UBE2E2: variants seen among roughly 807,000 people sequenced by gnomAD.
UBE2E2 encodes the protein ubiquitin conjugating enzyme E2 E2.
Under a neutral mutation model 24.7 loss-of-function variants are expected in UBE2E2, and 6 were observed. The ratio of observed to expected loss-of-function variants is 0.24; its 90% CI spans 0.13 to 0.48. The LOEUF (loss-of-function observed/expected upper bound fraction) is 0.48, where lower values mean the gene tolerates loss of function less well. UBE2E2 is among the 20% of genes least tolerant of loss of function. The pLI is 0.99. For synonymous variants in UBE2E2, 104 were observed against 83.6 expected (o/e 1.24, Z -1.33); for missense variants, 169 against 245.0 (o/e 0.69, Z 2.07).
In UBE2E2 at chr3:23,449,981, C is replaced by G. The variant is rs539772516; in HGVS notation, c.228-49627C>G. On this transcript the variant is annotated intron_variant, in intron 3 of 5. Transcript: ENST00000396703. ...TCCTGGCCACTGGGCCCACTGCTACCCTGCCACGTGAGTACAGCAATGGCT... is the reference window on the plus strand; with the variant it reads ...TCCTGGCCACTGGGCCCACTGCTACGCTGCCACGTGAGTACAGCAATGGCT... 348 of 952,344 alleles carry G rather than the reference C, an allele frequency of 3.7e-4. 1 individual carries two copies. The Middle Eastern group carries it at 3.8e-3, about 10-fold the overall frequency. 59.0% of individuals were successfully genotyped at this position (952,344 alleles called of 1,614,324 possible). A position where few individuals can be genotyped will look rare whatever the true frequency, so the allele number is the denominator to read the frequency against.
chr3:23,511,699 A>G (rs1054338830), intron 4 of UBE2E2, among the ~76,000 whole-genome samples: 60 of 152,098 alleles, frequency 3.9e-4, no homozygotes, highest in African/African-American at 1.4e-3. Flanking sequence ...CAAAGCTGAT[A>G]TTTTCTCTTT....
At chr3:23,312,616 T>A (rs1206433432) in intron 3 of UBE2E2, among the ~76,000 whole-genome samples, 2 of 152,198 alleles carry the variant, frequency 1.3e-5, no homozygotes, top group South Asian at 2.1e-4. Flanking sequence ...TTCTTTTGTT[T>A]TGATTTCATT....
intron 3 of UBE2E2, among the ~76,000 whole-genome samples, chr3:23,356,158 G>A (rs567146622): frequency 1.3e-5 from 2 of 152,312 alleles, no homozygotes; most frequent in Admixed American, 1.3e-4. Flanking sequence ...AAGCAGTCTG[G>A]ACCTTACTCA....
chr3:23,223,402 G>A (rs555535008), intron 3 of UBE2E2, among the ~76,000 whole-genome samples: 14 of 151,804 alleles, frequency 9.2e-5, no homozygotes, highest in Middle Eastern at 3.4e-3. Context: ...CGTGTTGGCC[G>A]GGCTGGTCTC....
At chr3:23,383,991 G>GT (rs1696744533) in intron 3 of UBE2E2, among the ~76,000 whole-genome samples, 1 of 151,894 alleles carries the variant, frequency 6.6e-6, no homozygotes, top group South Asian at 2.1e-4. Flanking sequence ...CAAAGTGATG[G>GT]TTTGTGTTTT....
At position 23,463,986 on chromosome 3, in the gene UBE2E2, C is replaced by T. The variant is rs370693523; in HGVS notation, c.228-35622C>T. Among the ~76,000 whole-genome samples the T allele has an allele frequency of 3.3e-5, 5 of 152,166 alleles. No homozygotes were observed. The East Asian group carries it at 9.6e-4, about 29-fold the overall frequency. ...ACATATGAACTGTGACATTGGGCTCCATTTCAAAATAGCATGTTTGCATAT... is the reference window on the plus strand; with the variant it reads ...ACATATGAACTGTGACATTGGGCTCTATTTCAAAATAGCATGTTTGCATAT... On this transcript the variant is annotated intron_variant, in intron 3 of 5. Transcript: ENST00000396703.
intron 3 of UBE2E2, among the ~76,000 whole-genome samples, chr3:23,451,656 A>G (rs1024692300): frequency 1.3e-5 from 2 of 152,234 alleles, no homozygotes; most frequent in Non-Finnish European, 2.9e-5. Flanking sequence ...CTGGTAATAA[A>G]GTACTTTTAC....
intron 3 of UBE2E2, among the ~76,000 whole-genome samples, chr3:23,277,008 A>G (rs565112071): frequency 6.6e-6 from 1 of 152,160 alleles, no homozygotes; most frequent in Non-Finnish European, 1.5e-5. Context: ...TTTTCTAGGA[A>G]AACAAAGGCT....
At chr3:23,257,514 C>A (rs547763608) in intron 3 of UBE2E2, among the ~76,000 whole-genome samples, 9 of 3,218 alleles carry the variant, frequency 2.8e-3, no homozygotes, top group Non-Finnish European at 5.1e-3. Flanking sequence ...TTTCCCGTGC[C>A]CCCCCCCCCC....
chr3:23,423,010 A>G (rs1697840762), intron 3 of UBE2E2, among the ~76,000 whole-genome samples: 1 of 152,196 alleles, frequency 6.6e-6, no homozygotes, highest in Non-Finnish European at 1.5e-5. Flanking sequence ...AGTTTCTTAA[A>G]GGCTTGGTTT....
chr3:23,268,866 T>C (rs571277273), intron 3 of UBE2E2, among the ~76,000 whole-genome samples: 159 of 152,134 alleles, frequency 1.0e-3, no homozygotes, highest in Middle Eastern at 6.8e-3. Context: ...TATAGATCAA[T>C]GGAACAGAAC....
chr3:23,346,155 T>G (rs929728421), intron 3 of UBE2E2, among the ~76,000 whole-genome samples: 6 of 152,194 alleles, frequency 3.9e-5, no homozygotes, highest in African/African-American at 1.4e-4. Context: ...AGCCAATAAG[T>G]AATTGTGAAA....
At chr3:23,458,429 T>TGGTGGTGGTGGTTGTGGTG (rs1390149541) in intron 3 of UBE2E2, among the ~76,000 whole-genome samples, 1 of 73,164 alleles carries the variant, frequency 1.4e-5, no homozygotes, top group Admixed American at 1.0e-4. Flanking sequence ...TGGTGGTGGT[T>TGGTGGTGGTGGTTGTGGTG]GTTGTTGTTT....
rs559787640 is a variant in UBE2E2 at position 23,448,491 on chromosome 3, A to C, written c.228-51117A>C. 2.0e-5 allele frequency among the ~76,000 whole-genome samples: 3 copies of C among 152,342 alleles called. No individual in the cohort carries two copies. The East Asian group carries it at 5.8e-4, about 29-fold the overall frequency. On this transcript the variant is annotated intron_variant, in intron 3 of 5. Coordinates refer to ENST00000396703, the MANE Select transcript of UBE2E2 (RefSeq NM_152653.4). ...CTACTAAGTTAGTATTTTTTAATAC[A>C]TGACCTAATATGAGGATTCTGATTG...
At chr3:23,568,267 T>G (rs1338470965) in intron 5 of UBE2E2, among the ~76,000 whole-genome samples, 19 of 152,182 alleles carry the variant, frequency 1.2e-4, no homozygotes, top group Admixed American at 1.2e-3. Context: ...CTTGTCCTAC[T>G]CTTACCCACT....
intron 5 of UBE2E2, among the ~76,000 whole-genome samples, chr3:23,558,600 T>C (rs924367328): frequency 1.3e-5 from 2 of 152,184 alleles, no homozygotes; most frequent in African/African-American, 2.4e-5. Context: ...TAGAATCTTA[T>C]TCTTACTGTA....
chr3:23,429,605 A>G (rs911568033), intron 3 of UBE2E2, among the ~76,000 whole-genome samples: 1 of 152,244 alleles, frequency 6.6e-6, no homozygotes, highest in Non-Finnish European at 1.5e-5. Context: ...TTGGTAAACT[A>G]GGAATAGAAG....
At chr3:23,243,440 C>T in intron 3 of UBE2E2, among the ~76,000 whole-genome samples, 1 of 152,186 alleles carries the variant, frequency 6.6e-6, no homozygotes, top group East Asian at 1.9e-4. Flanking sequence ...ATCCTGGGCC[C>T]TTTACCCTAC....
At chr3:23,293,386 G>A (rs563471886) in intron 3 of UBE2E2, among the ~76,000 whole-genome samples, 1 of 152,202 alleles carries the variant, frequency 6.6e-6, no homozygotes, top group Non-Finnish European at 1.5e-5. Flanking sequence ...AAGGAGTTGA[G>A]ATCAAATTCA....
Sources: gnomAD v4.1 joint callset for allele counts (sites outside exome capture counted in the v4.1 genomes callset) on GRCh38, gnomAD v4.1.1 for gene constraint, MANE v1.5 for transcripts, NCBI Gene and HGNC (gene_info 2026-07-23, HGNC 2026-07-21) for gene names.